PLD5: variants seen among roughly 807,000 people sequenced by gnomAD.
The protein encoded by PLD5 is phospholipase D family member 5.
PLD5 carries 36 observed loss-of-function variants against 61.1 expected under a neutral mutation model. The ratio of observed to expected loss-of-function variants is 0.59; its 90% CI spans 0.45 to 0.78. PLD5 has a LOEUF of 0.78. PLD5 is among the 30% of genes least tolerant of loss of function. The pLI, the probability that PLD5 is intolerant of heterozygous loss-of-function variation, is 0.00. For synonymous variants in PLD5, 243 were observed against 242.8 expected, an observed-to-expected ratio of 1.00 and a Z score of -0.01; for missense variants, 515 against 644.4, an observed-to-expected ratio of 0.80 and a Z score of 2.17.
At chr1:242,488,409 C>A (rs1025576390) in intron 1 of PLD5, among the ~76,000 whole-genome samples, 2 of 152,144 alleles carry the variant, frequency 1.3e-5, no homozygotes, top group African/African-American at 4.8e-5. Flanking sequence ...AGCTATCATG[C>A]TTATGGAGAC....
At chr1:242,302,544 C>CG (rs1676118625) in intron 2 of PLD5, among the ~76,000 whole-genome samples, 1 of 151,394 alleles carries the variant, frequency 6.6e-6, no homozygotes, top group African/African-American at 2.4e-5. Flanking sequence ...ACAGCAAGAC[C>CG]TGTCTCTACC....
intron 1 of PLD5, among the ~76,000 whole-genome samples, chr1:242,517,290 T>G (rs554646370): frequency 6.6e-6 from 1 of 152,338 alleles, no homozygotes; most frequent in South Asian, 2.1e-4. Context: ...CACAGATAAT[T>G]TTTCAATAGT....
intron 5 of PLD5, among the ~76,000 whole-genome samples, chr1:242,163,923 G>GTATA (rs150906475): frequency 1.6e-4 from 23 of 148,228 alleles, no homozygotes; most frequent in Non-Finnish European, 3.1e-4. Context: ...GTGTGTGTGT[G>GTATA]TATATATATA....
intron 1 of PLD5, among the ~76,000 whole-genome samples, chr1:242,387,042 T>C (rs1284014697): frequency 6.6e-6 from 1 of 152,246 alleles, no homozygotes; most frequent in Admixed American, 6.5e-5. Flanking sequence ...TCTTAACAAC[T>C]GTTGAATTTA....
At chr1:242,251,037 A>G (rs74150899) in intron 4 of PLD5, among the ~76,000 whole-genome samples, 1,578 of 152,340 alleles carry the variant, frequency 0.01, 25 homozygotes, top group African/African-American at 0.036. Flanking sequence ...ATTTACTGAG[A>G]TAAAACTTAA....
chr1:242,146,495 A>G lies in PLD5; in HGVS notation c.736-21830T>C, dbSNP rs1489555633. 2.0e-5 allele frequency among the ~76,000 whole-genome samples: 3 copies of G among 152,194 alleles called. No homozygotes were observed. The East Asian group carries it at 5.8e-4, about 29-fold the overall frequency. On this transcript the variant is annotated intron_variant, in intron 5 of 9. Transcript: ENST00000536534. ...CTAAAAAAACCCTACCTTAATTTTT[A>G]TAAGAGAGATGGCTTCAATTTCCCC...
intron 9 of PLD5, 57 bp downstream of exon 9, chr1:242,100,611 G>T: frequency 3.9e-6 from 5 of 1,291,044 alleles, no homozygotes; most frequent in Non-Finnish European, 5.6e-6. Flanking sequence ...GAGCACAGCT[G>T]GACTACCACT....
chr1:242,090,233 C>G (rs1659713383), intron 9 of PLD5, 123 bp from the exon 10 acceptor site: 1 of 1,297,576 alleles, frequency 7.7e-7, no homozygotes, highest in Non-Finnish European at 1.1e-6. Flanking sequence ...AACGGAGAGG[C>G]TGAATTGTGT....
At chr1:242,442,734 G>T (rs1456120636) in intron 1 of PLD5, among the ~76,000 whole-genome samples, 1 of 152,256 alleles carries the variant, frequency 6.6e-6, no homozygotes, top group South Asian at 2.1e-4. Context: ...AAGAAGAGAC[G>T]CAGGGAAAGG....
In PLD5 at chr1:242,084,749, GGTT is replaced by G. The variant is rs1258863627; in HGVS notation, c.*5102_*5104del. ...ACTCAGAATGAACATTTATTGGAAA[GGTT>G]TTTTTTTTTTTTTTTTTTTTTTTTT... On this transcript the variant is annotated 3_prime_UTR_variant, in exon 10 of 10. Transcript: ENST00000536534. The G allele has an allele frequency of 8.4e-6, 1 of 118,994 alleles. No individual in the cohort carries two copies. The highest frequency in any genetic ancestry group is 2.9e-4 in the East Asian group (1 of 3,450). The allele number at this position is 118,994 out of a possible 1,614,324, so 7.4% of individuals were successfully genotyped here.
intron 1 of PLD5, among the ~76,000 whole-genome samples, chr1:242,455,285 T>C (rs1018247512): frequency 1.3e-5 from 2 of 152,196 alleles, no homozygotes; most frequent in Non-Finnish European, 2.9e-5. Flanking sequence ...AGATACTTGA[T>C]TTTTTAACTA....
At chr1:242,235,029 T>G (rs984007294) in intron 4 of PLD5, among the ~76,000 whole-genome samples, 50 of 152,316 alleles carry the variant, frequency 3.3e-4, no homozygotes, top group East Asian at 3.9e-4. Flanking sequence ...GGAAGTATGT[T>G]ATAGAGTTTC....
intron 4 of PLD5, among the ~76,000 whole-genome samples, chr1:242,224,154 T>C (rs1550123): frequency 6.6e-6 from 1 of 151,974 alleles, no homozygotes; most frequent in African/African-American, 2.4e-5. Flanking sequence ...TGTGTTAGAA[T>C]TGCAATTAGC....
At chr1:242,445,128 G>A (rs1179803083) in intron 1 of PLD5, among the ~76,000 whole-genome samples, 1 of 152,142 alleles carries the variant, frequency 6.6e-6, no homozygotes, top group Non-Finnish European at 1.5e-5. Flanking sequence ...AGGGCATGTG[G>A]AAGGTGATGA....
chr1:242,184,199 T>C (rs532471515), intron 5 of PLD5, among the ~76,000 whole-genome samples: 1 of 152,260 alleles, frequency 6.6e-6, no homozygotes, highest in East Asian at 1.9e-4. Flanking sequence ...AGTTTCGCCA[T>C]GAACACTGAA....
At chr1:242,526,246 C>G (rs535197263), upstream of PLD5, among the ~76,000 whole-genome samples, 462 of 152,072 alleles carry the variant, frequency 3.0e-3, no homozygotes, top group Non-Finnish European at 5.2e-3. Flanking sequence ...ATTAGCCAGG[C>G]GTGGTGGTGC....
At chr1:242,349,015 C>T (rs574814284) in intron 1 of PLD5, among the ~76,000 whole-genome samples, 32 of 152,332 alleles carry the variant, frequency 2.1e-4, no homozygotes, top group Non-Finnish European at 4.0e-4. Context: ...GATCGCACCA[C>T]TGCACTCCAG....
At chr1:242,216,330 T>G (rs928760264) in intron 5 of PLD5, among the ~76,000 whole-genome samples, 2 of 152,112 alleles carry the variant, frequency 1.3e-5, no homozygotes, top group African/African-American at 4.8e-5. Flanking sequence ...GATGAAGTTA[T>G]AGAATAGAGA....
chr1:242,474,451 A>G (rs912546506), intron 1 of PLD5, among the ~76,000 whole-genome samples: 3 of 152,134 alleles, frequency 2.0e-5, no homozygotes, highest in East Asian at 1.9e-4. Context: ...ATATTCTTCA[A>G]TTATGTCCCT....
Sources: allele counts gnomAD v4.1 joint callset (sites outside exome capture counted in the v4.1 genomes callset), GRCh38; gene constraint gnomAD v4.1.1; transcripts MANE v1.5; gene names NCBI Gene and HGNC (gene_info 2026-07-23, HGNC 2026-07-21).